Variants in CHD9 observed in about 807,000 individuals in gnomAD.
CHD9 encodes the protein chromodomain helicase DNA binding protein 9, also known as ATP-dependent chromatin remodeler CHD9.
A neutral mutation model predicts 316.1 loss-of-function variants in CHD9; 77 were observed. The observed-to-expected ratio is 0.24, with a 90% CI of 0.20 to 0.29. The LOEUF is 0.29. CHD9 is among the 10% of genes least tolerant of loss of function. CHD9 has a pLI of 1.00. For synonymous variants in CHD9, 1,129 were observed against 1,158.3 expected (o/e 0.97, Z 0.51); for missense variants, 2,763 against 3,438.1 (o/e 0.80, Z 4.91).
Position 53,307,728 on chromosome 16 carries a change from G to A in CHD9, c.6828G>A (p.Leu2276=). 1 of 1,612,128 alleles carries A rather than the reference G, an allele frequency of 6.2e-7. No individual in the cohort carries two copies. The highest frequency in any genetic ancestry group is 8.5e-7 in the Non-Finnish European group (1 of 1,179,054). ...NRLDSICQTV[L]KGKWPSARRS... is the part of the protein sequence containing the mutation. Reference sequence around the variant, plus strand: ...TGGACAGTATTTGTCAAACAGTTCTGAAAGGAAAGTGGCCTTCAGCTAGAA... The same window carrying A: ...TGGACAGTATTTGTCAAACAGTTCTAAAAGGAAAGTGGCCTTCAGCTAGAA... The change falls in exon 33 of 39, where the codon CTG becomes CTA. Residue 2276 remains leucine, a synonymous_variant. Coordinates refer to ENST00000447540, the MANE Select transcript of CHD9 (RefSeq NM_001308319.2).
chr16:53,291,360 T>C (rs1384243268), intron 27 of CHD9, among the ~76,000 whole-genome samples: 2 of 151,936 alleles, frequency 1.3e-5, no homozygotes, highest in Non-Finnish European at 2.9e-5. Context: ...GATATGAAAA[T>C]GAATAAGTTA....
chr16:53,274,455 T>C (rs1299664226), intron 24 of CHD9, among the ~76,000 whole-genome samples, 153 bp downstream of exon 24: 1 of 152,182 alleles, frequency 6.6e-6, no homozygotes, highest in Non-Finnish European at 1.5e-5. Flanking sequence ...TATATTTATT[T>C]TATTTATTCA....
intron 1 of CHD9, among the ~76,000 whole-genome samples, chr16:53,088,278 TG>T (rs199533632): frequency 0.021 from 3,058 of 143,344 alleles, 286 homozygotes; most frequent in African/African-American, 0.076. Flanking sequence ...ACATGCACTT[TG>T]TTTTTTTTTT....
intron 24 of CHD9, among the ~76,000 whole-genome samples, chr16:53,285,336 G>A (rs1208128556): frequency 2.0e-5 from 3 of 152,126 alleles, no homozygotes; most frequent in Admixed American, 2.0e-4. Flanking sequence ...GAAAGAATAT[G>A]ATTCTTTAAG....
At chr16:53,143,096 T>A (rs1449640042) in intron 1 of CHD9, among the ~76,000 whole-genome samples, 1 of 152,182 alleles carries the variant, frequency 6.6e-6, no homozygotes, top group Non-Finnish European at 1.5e-5. Flanking sequence ...AGAGGCCTCA[T>A]GACCTAATCA....
chr16:53,151,475 C>T (rs1235521419), intron 1 of CHD9, among the ~76,000 whole-genome samples: 9 of 151,906 alleles, frequency 5.9e-5, no homozygotes, highest in African/African-American at 1.9e-4. Flanking sequence ...AGGTTGGTCT[C>T]GAACTCCTGA....
intron 1 of CHD9, among the ~76,000 whole-genome samples, chr16:53,104,325 C>T (rs1345659459): frequency 1.3e-5 from 2 of 152,314 alleles, no homozygotes; most frequent in South Asian, 2.1e-4. Context: ...GAGATTTCCA[C>T]TCTGCCCTTG....
intron 24 of CHD9, among the ~76,000 whole-genome samples, chr16:53,281,476 G>A (rs2053411966): frequency 6.6e-6 from 1 of 152,118 alleles, no homozygotes; most frequent in Non-Finnish European, 1.5e-5. Flanking sequence ...CAATGGCCTC[G>A]TAACTGATTC....
intron 4 of CHD9, 148 bp from the exon 5 acceptor site, chr16:53,226,218 C>A: frequency 4.1e-6 from 2 of 491,476 alleles, no homozygotes; most frequent in South Asian, 3.9e-5. Context: ...TAATCTTCCT[C>A]TAATTAAAAA....
chr16:53,269,637 TA>T (rs1250202898), intron 22 of CHD9, among the ~76,000 whole-genome samples: 5 of 152,188 alleles, frequency 3.3e-5, no homozygotes, highest in Non-Finnish European at 5.9e-5. Context: ...CACACAAATG[TA>T]ATTTCACTCT....
chr16:53,177,318 T>C (rs1296908904), intron 2 of CHD9, among the ~76,000 whole-genome samples: 2 of 152,172 alleles, frequency 1.3e-5, no homozygotes, highest in African/African-American at 4.8e-5. Context: ...AGTCACAGAC[T>C]TAAGGCATGA....
chr16:53,062,155 AC>A (rs951162823), intron 1 of CHD9, among the ~76,000 whole-genome samples: 2 of 152,338 alleles, frequency 1.3e-5, no homozygotes, highest in Admixed American at 6.5e-5. Context: ...TGGGCAAAGT[AC>A]TAGAATGCTA....
At chr16:53,079,876 T>C (rs1410887915) in intron 1 of CHD9, among the ~76,000 whole-genome samples, 1 of 152,250 alleles carries the variant, frequency 6.6e-6, no homozygotes, top group Admixed American at 6.5e-5. Context: ...TTCATCTAGC[T>C]GTTTCTGACT....
At chr16:53,137,874 A>C (rs1212249305) in intron 1 of CHD9, among the ~76,000 whole-genome samples, 1 of 152,206 alleles carries the variant, frequency 6.6e-6, no homozygotes, top group Non-Finnish European at 1.5e-5. Context: ...AATGAACTTT[A>C]GGGAATATGA....
chr16:53,179,767 C>T (rs1020653232), intron 2 of CHD9, among the ~76,000 whole-genome samples: 8 of 151,706 alleles, frequency 5.3e-5, no homozygotes, highest in African/African-American at 1.7e-4. Flanking sequence ...TGTGGTGGCA[C>T]GCACCTGTAA....
intron 38 of CHD9, among the ~76,000 whole-genome samples, chr16:53,322,000 CTTTTTTTT>C: frequency 7.6e-6 from 1 of 132,232 alleles, no homozygotes; most frequent in South Asian, 2.5e-4. Context: ...TTTTCTTTTT[CTTTTTTTT>C]TTTTTTTTAG....
chr16:53,166,529 A>G (rs1490075649), intron 2 of CHD9, among the ~76,000 whole-genome samples: 1 of 152,314 alleles, frequency 6.6e-6, no homozygotes, highest in African/African-American at 2.4e-5. Context: ...TTATTGATAC[A>G]TGAAATATAA....
At chr16:53,087,197 C>T (rs2035534021) in intron 1 of CHD9, among the ~76,000 whole-genome samples, 1 of 152,066 alleles carries the variant, frequency 6.6e-6, no homozygotes, top group East Asian at 1.9e-4. Context: ...AGGTGGTGAG[C>T]CATTAAGGGC....
chr16:53,315,984 G>A (rs934331716), intron 36 of CHD9, among the ~76,000 whole-genome samples: 12 of 152,186 alleles, frequency 7.9e-5, no homozygotes, highest in African/African-American at 2.6e-4. Context: ...GCTCATGCCC[G>A]TAATCCTAGC....
Sources: gnomAD v4.1 joint callset for allele counts (sites outside exome capture counted in the v4.1 genomes callset) on GRCh38, gnomAD v4.1.1 for gene constraint, MANE v1.5 for transcripts, NCBI Gene and HGNC (gene_info 2026-07-23, HGNC 2026-07-21) for gene names.